Variants in GRIK3 observed in about 807,000 individuals in gnomAD.
GRIK3 encodes the protein glutamate receptor ionotropic, kainate 3.
In GRIK3, 29 loss-of-function variants were observed where a neutral mutation model predicts 102.5. The observed-to-expected ratio is 0.28, with a 90% CI of 0.21 to 0.39. GRIK3 has a LOEUF of 0.39. GRIK3 is among the 10% of genes least tolerant of loss of function. The probability of loss-of-function intolerance (pLI) is 1.00; values close to 1 mark genes in which losing one functional copy is unlikely to be tolerated. For missense variants in GRIK3, 908 were observed against 1,252.4 expected (o/e 0.73, Z 4.15); for synonymous variants, 511 against 504.9 (o/e 1.01, Z -0.16).
rs1641057797 is a variant in GRIK3 at position 36,887,792 on chromosome 1, TGAGAGAGAGAGAGAGTGA to T, written c.292+3110_292+3127del. Among the ~76,000 whole-genome samples the T allele has an allele frequency of 9.1e-5, 3 of 33,056 alleles. No homozygotes were observed. In the Admixed American group the frequency reaches 1.3e-3, roughly 15 times the overall value. 21.7% of individuals were successfully genotyped at this position (33,056 alleles called of 152,430 possible). On this transcript the variant is annotated intron_variant, in intron 2 of 15. Transcript: ENST00000373091. ...AAAAAATATATATATATATATATAG[TGAGAGAGAGAGAGAGTGA>T]GAGAGAGAGAGAGACAGAGATTCAC...
chr1:36,854,146 A>C (rs1057259861), intron 7 of GRIK3, among the ~76,000 whole-genome samples: 3 of 152,160 alleles, frequency 2.0e-5, no homozygotes, highest in Non-Finnish European at 1.5e-5. Flanking sequence ...TAGCCCCCCG[A>C]AAGGCAGGGG....
At chr1:36,845,859 C>T (rs1021038671) in intron 9 of GRIK3, among the ~76,000 whole-genome samples, 2 of 152,192 alleles carry the variant, frequency 1.3e-5, no homozygotes, top group East Asian at 1.9e-4. Flanking sequence ...CAGGTTTTTC[C>T]CCTCTCCTGC....
chr1:36,984,067 C>T, intron 1 of GRIK3, among the ~76,000 whole-genome samples: 1 of 152,228 alleles, frequency 6.6e-6, no homozygotes, highest in East Asian at 1.9e-4. Flanking sequence ...TGTTCTTCCA[C>T]ACTCGCACAC....
intron 3 of GRIK3, among the ~76,000 whole-genome samples, chr1:36,874,522 G>T (rs1212811473): frequency 1.3e-5 from 2 of 152,278 alleles, no homozygotes; most frequent in East Asian, 1.9e-4. Flanking sequence ...GAGGCTATCA[G>T]TTGACCTTCA....
chr1:36,957,585 AGTC>A (rs1641935173), intron 1 of GRIK3, among the ~76,000 whole-genome samples: 4 of 98,382 alleles, frequency 4.1e-5, no homozygotes, highest in South Asian at 3.7e-4. Context: ...GTGCCCTGTG[AGTC>A]TCTGTGCCCC....
At chr1:36,939,819 G>C (rs982871795) in intron 1 of GRIK3, among the ~76,000 whole-genome samples, 9 of 152,178 alleles carry the variant, frequency 5.9e-5, no homozygotes, top group African/African-American at 2.2e-4. Context: ...GAATCAGAGG[G>C]GGACCCTTGT....
chr1:36,991,695 C>T (rs994521480), intron 1 of GRIK3, among the ~76,000 whole-genome samples: 2 of 152,262 alleles, frequency 1.3e-5, no homozygotes, highest in African/African-American at 4.8e-5. Context: ...TCCAAGATCC[C>T]TGAGGGCTGT....
intron 1 of GRIK3, among the ~76,000 whole-genome samples, chr1:36,914,433 C>A (rs567479768): frequency 7.2e-5 from 11 of 152,318 alleles, no homozygotes; most frequent in Admixed American, 2.6e-4. Context: ...TGCTCACATG[C>A]AGAGCCTCTG....
At chr1:36,937,956 T>G (rs1481059226) in intron 1 of GRIK3, among the ~76,000 whole-genome samples, 1 of 152,334 alleles carries the variant, frequency 6.6e-6, no homozygotes, top group East Asian at 1.9e-4. Context: ...ATGCCAAGCC[T>G]TTATACATTC....
intron 1 of GRIK3, among the ~76,000 whole-genome samples, chr1:36,914,196 A>C (rs11263949): frequency 0.89 from 134,961 of 152,244 alleles, 59,923 homozygotes; most frequent in East Asian, 0.99. Flanking sequence ...TCCTCTTCTC[A>C]CCTCAGCTCA....
rs1640565073 is a variant in GRIK3, at chr1:36,850,179, T to C, written c.1326+132A>G. 1 of 631,346 alleles carries C rather than the reference T, an allele frequency of 1.6e-6. No homozygotes were observed. Among genetic ancestry groups the C allele is most frequent in the Non-Finnish European group, 2.8e-6 (1 of 352,536 alleles). 39.1% of individuals were successfully genotyped at this position (631,346 alleles called of 1,614,324 possible). A position where few individuals can be genotyped will look rare whatever the true frequency, so the allele number is the denominator to read the frequency against. On this transcript the variant is annotated intron_variant, in intron 9 of 15. Transcript: ENST00000373091. This position sits in a 1 kb window ranked among gnomAD's most constrained non-coding sequence, Gnocchi z 4.0. The stretch of plus-strand genomic sequence containing the variant: ...CAGCTGCTCTCTGAGAACTTCCTGC[T>C]GACTCTAAAAGTCTCCACCTACCTG...
At position 36,819,854 on chromosome 1, in the gene GRIK3, C is replaced by G. The variant is rs1434402966; in HGVS notation, c.1755G>C (p.Arg585Ser). Residue 585 changes from arginine to serine, a missense_variant and splice_region_variant, in exon 12 of 16, where the codon AGG becomes AGC. Transcript: ENST00000373091. This position sits in a 1 kb window ranked among gnomAD's most constrained non-coding sequence, Gnocchi z 4.1. ...GVSCVLFVIA[R>S]FSPYEWYDAH... is the part of the protein sequence containing the mutation. The stretch of plus-strand genomic sequence containing the variant: ...CATCGTACCACTCATAAGGGCTGAA[C>G]CTGCCACAGGAGGAGAGGGACAGTC... 6.6e-7 allele frequency: 1 copy of G among 1,509,036 alleles called. No homozygotes were observed. Among genetic ancestry groups the G allele is most frequent in the East Asian group, 2.3e-5 (1 of 43,426 alleles). 93.5% of individuals were successfully genotyped at this position (1,509,036 alleles called of 1,614,324 possible).
At chr1:36,972,397 C>T (rs1642153068) in intron 1 of GRIK3, among the ~76,000 whole-genome samples, 2 of 152,218 alleles carry the variant, frequency 1.3e-5, no homozygotes, top group South Asian at 4.1e-4. Flanking sequence ...CTCACGGCAC[C>T]CCAGCCAGCT....
intron 1 of GRIK3, among the ~76,000 whole-genome samples, chr1:37,009,595 GGTGTGTGTGTAT>G (rs1350187474): frequency 1.3e-5 from 2 of 152,170 alleles, no homozygotes; most frequent in African/African-American, 2.4e-5. Flanking sequence ...TGGCTGGAGG[GGTGTGTGTGTAT>G]GTGTGTGTGT....
intron 1 of GRIK3, among the ~76,000 whole-genome samples, chr1:36,907,068 CA>C (rs536168416): frequency 2.0e-5 from 3 of 152,040 alleles, no homozygotes; most frequent in South Asian, 4.1e-4. Flanking sequence ...AAAATTAATT[CA>C]AAAAACAGGT....
intron 1 of GRIK3, among the ~76,000 whole-genome samples, chr1:36,915,890 G>T (rs1641393841): frequency 6.6e-6 from 1 of 152,180 alleles, no homozygotes. Context: ...TTGGTACTGG[G>T]AGTGGTACGT....
At chr1:36,919,389 A>C (rs1213262301) in intron 1 of GRIK3, among the ~76,000 whole-genome samples, 2 of 144,834 alleles carry the variant, frequency 1.4e-5, no homozygotes, top group Non-Finnish European at 3.0e-5. Context: ...TTATTATTAT[A>C]CTTTAAGTTT....
chr1:36,894,952 G>A (rs990312086), intron 1 of GRIK3, among the ~76,000 whole-genome samples: 2 of 152,186 alleles, frequency 1.3e-5, no homozygotes, highest in Admixed American at 1.3e-4. Flanking sequence ...CTAACCTGCT[G>A]GGGTTTCATG....
At chr1:36,867,536 G>C (rs1179388512) in intron 5 of GRIK3, among the ~76,000 whole-genome samples, 1 of 152,120 alleles carries the variant, frequency 6.6e-6, no homozygotes, top group Admixed American at 6.6e-5. Context: ...CTACTTCTTG[G>C]CCAATCAGCT....
Sources: allele counts gnomAD v4.1 joint callset (sites outside exome capture counted in the v4.1 genomes callset), GRCh38; gene constraint gnomAD v4.1.1; non-coding constraint Gnocchi (gnomAD v3.1); transcripts MANE v1.5; gene names NCBI Gene and HGNC (gene_info 2026-07-23, HGNC 2026-07-21).